CSRNP3: variants seen among roughly 807,000 people sequenced by gnomAD.
CSRNP3 encodes cysteine/serine-rich nuclear protein 3.
A neutral mutation model predicts 48.0 loss-of-function variants in CSRNP3; 12 were observed. That is an observed-to-expected ratio of 0.25 (90% CI 0.16 to 0.41). The LOEUF is 0.41. CSRNP3 is among the 10% of genes least tolerant of loss of function. The probability of loss-of-function intolerance (pLI) is 1.00; values close to 1 mark genes in which losing one functional copy is unlikely to be tolerated. For missense variants in CSRNP3, 580 were observed against 724.4 expected (o/e 0.80, Z 2.29); for synonymous variants, 263 against 269.7 (o/e 0.98, Z 0.24).
chr2:165,530,262 G>A (rs1302747532), intron 3 of CSRNP3, among the ~76,000 whole-genome samples: 1 of 152,030 alleles, frequency 6.6e-6, no homozygotes, highest in Non-Finnish European at 1.5e-5. Flanking sequence ...TATGCCTTGG[G>A]GTATCTGTCA....
At chr2:165,642,711 C>T (rs545552312) in intron 4 of CSRNP3, among the ~76,000 whole-genome samples, 95 of 152,084 alleles carry the variant, frequency 6.2e-4, no homozygotes, top group Non-Finnish European at 1.1e-3. Flanking sequence ...TACAGGCATG[C>T]GCCACCATGC....
chr2:165,609,594 G>A (rs1686101990), intron 4 of CSRNP3, among the ~76,000 whole-genome samples: 1 of 151,082 alleles, frequency 6.6e-6, no homozygotes, highest in African/African-American at 2.4e-5. Flanking sequence ...GTGAATACAG[G>A]CAAAATGCCT....
intron 2 of CSRNP3, among the ~76,000 whole-genome samples, chr2:165,502,074 A>G (rs1271393839): frequency 6.6e-6 from 1 of 152,088 alleles, no homozygotes; most frequent in Non-Finnish European, 1.5e-5. Flanking sequence ...TTTAGCTTTG[A>G]GGATGATTTT....
chr2:165,523,361 CA>C (rs1442954309), intron 3 of CSRNP3, among the ~76,000 whole-genome samples: 12 of 152,108 alleles, frequency 7.9e-5, no homozygotes, highest in Admixed American at 7.9e-4. Flanking sequence ...AATTGACAAA[CA>C]AAAACAAACC....
At chr2:165,530,682 CT>C (rs1457931388) in intron 3 of CSRNP3, among the ~76,000 whole-genome samples, 1 of 152,026 alleles carries the variant, frequency 6.6e-6, no homozygotes, top group East Asian at 1.9e-4. Flanking sequence ...ATAGTCCTAT[CT>C]TTTCTGCTGC....
intron 3 of CSRNP3, among the ~76,000 whole-genome samples, chr2:165,585,613 A>G (rs1242639442): frequency 6.6e-6 from 1 of 152,188 alleles, no homozygotes; most frequent in Non-Finnish European, 1.5e-5. Flanking sequence ...TATTAAGTTC[A>G]TTAGAATAGA....
At chr2:165,658,104 G>C in intron 5 of CSRNP3, 84 bp downstream of exon 5, 1 of 1,426,738 alleles carries the variant, frequency 7.0e-7, no homozygotes, top group East Asian at 2.4e-5. Flanking sequence ...TTATAATCAC[G>C]AAACAAACTG....
At chr2:165,553,023 G>A (rs1051143017) in intron 3 of CSRNP3, among the ~76,000 whole-genome samples, 17 of 152,058 alleles carry the variant, frequency 1.1e-4, no homozygotes, top group Admixed American at 9.8e-4. Flanking sequence ...TAATATCAAC[G>A]TTCATGTAGA....
At chr2:165,642,559 ATT>A (rs111768110) in intron 4 of CSRNP3, among the ~76,000 whole-genome samples, 30 of 148,622 alleles carry the variant, frequency 2.0e-4, no homozygotes, top group African/African-American at 7.3e-4. Flanking sequence ...GATTATGCAT[ATT>A]CTTTTTTTTT....
intron 4 of CSRNP3, among the ~76,000 whole-genome samples, chr2:165,626,145 C>T (rs1488610197): frequency 6.6e-6 from 1 of 151,268 alleles, no homozygotes; most frequent in Non-Finnish European, 1.5e-5. Flanking sequence ...ATCGCTTGAA[C>T]TCAGGGGGCG....
At chr2:165,560,575 C>G (rs1201672299) in intron 3 of CSRNP3, among the ~76,000 whole-genome samples, 1 of 152,172 alleles carries the variant, frequency 6.6e-6, no homozygotes, top group Non-Finnish European at 1.5e-5. Context: ...CTCTCTATTC[C>G]CTACAGCCAT....
At position 165,685,763 on chromosome 2, in the gene CSRNP3, TA is replaced by T. The variant is rs1336828324; in HGVS notation, c.*6014del. The T allele has an allele frequency of 6.6e-6, 1 of 152,056 alleles. No homozygotes were observed. The highest frequency in any genetic ancestry group is 1.5e-5 in the Non-Finnish European group (1 of 67,980). 9.4% of individuals were successfully genotyped at this position (152,056 alleles called of 1,614,324 possible). The stretch of plus-strand genomic sequence containing the variant: ...CTGTGTCACTTTATGTCATCTCTCA[TA>T]AAAGTTTCTGGCAGGACTAAAGTTT... On this transcript the variant is annotated 3_prime_UTR_variant, in exon 7 of 7. Transcript: ENST00000651982.
Position 165,679,111 on chromosome 2 carries a change from G to C in CSRNP3, c.1116G>C (p.Glu372Asp), listed in dbSNP as rs368180895. The C allele has an allele frequency of 1.9e-5, 31 of 1,613,726 alleles. No individual in the cohort carries two copies. In the Middle Eastern group the frequency reaches 6.6e-4, roughly 34 times the overall value. The change falls in exon 7 of 7, where the codon GAG becomes GAC. Residue 372 changes from glutamate (E) to aspartate (D), a missense_variant. Transcript: ENST00000651982. ...TGGCACCTAGTGAGTCAGACGAGGA[G>C]GAGGAGGAAGAAGAAGAGGAAGAGG... ...QSLAPSESDEEEEEEEEEEEE... is the reference protein window; with the variant it reads ...QSLAPSESDEDEEEEEEEEEE...
intron 4 of CSRNP3, among the ~76,000 whole-genome samples, chr2:165,608,926 T>TA (rs1424072156): frequency 2.9e-5 from 1 of 34,160 alleles, no homozygotes; most frequent in African/African-American, 1.3e-4. Flanking sequence ...CCGTCTCTAC[T>TA]AAAAATACAA....
intron 2 of CSRNP3, among the ~76,000 whole-genome samples, chr2:165,510,265 TG>T (rs1263538377): frequency 3.3e-5 from 5 of 152,196 alleles, no homozygotes; most frequent in Non-Finnish European, 7.4e-5. Flanking sequence ...TAAATGGGGA[TG>T]ATCTGTATAT....
intron 3 of CSRNP3, among the ~76,000 whole-genome samples, chr2:165,551,748 C>T (rs1685098429): frequency 6.6e-6 from 1 of 151,868 alleles, no homozygotes; most frequent in African/African-American, 2.4e-5. Context: ...CTTGGATTAC[C>T]ACTCTGCTTC....
At chr2:165,662,212 A>G (rs777337059) in intron 5 of CSRNP3, among the ~76,000 whole-genome samples, 9 of 152,254 alleles carry the variant, frequency 5.9e-5, no homozygotes, top group African/African-American at 9.6e-5. Context: ...TGTTTTGATC[A>G]TAAAATTGCT....
intron 3 of CSRNP3, among the ~76,000 whole-genome samples, chr2:165,527,966 A>AAG (rs946041237): frequency 1.2e-4 from 18 of 151,530 alleles, no homozygotes; most frequent in South Asian, 4.2e-4. Context: ...AAAGAGAAAA[A>AAG]AGAGAGAGAG....
In CSRNP3 at chr2:165,657,973, T is replaced by G; in HGVS notation, c.361T>G (p.Leu121Val). 6.2e-7 allele frequency: 1 copy of G among 1,613,910 alleles called. No individual in the cohort carries two copies. The highest frequency in any genetic ancestry group is 8.5e-7 in the Non-Finnish European group (1 of 1,179,968). Residue 121 changes from leucine to valine, a missense_variant, in exon 5 of 7, where the codon TTG becomes GTG. Physicochemically the swap from Leu to Val is conservative, Grantham distance 32 (BLOSUM62 1). Transcript: ENST00000651982. The part of the protein sequence containing the change: ...REQERLHREM[L>V]REHLREEKLN... ...GCAGGAGAGGCTCCACCGGGAGATGTTGAGAGAACACCTTAGGGAGGAAAA... is the reference window on the plus strand; with the variant it reads ...GCAGGAGAGGCTCCACCGGGAGATGGTGAGAGAACACCTTAGGGAGGAAAA...
Sources: gnomAD v4.1 joint callset for allele counts (sites outside exome capture counted in the v4.1 genomes callset) on GRCh38, gnomAD v4.1.1 for gene constraint, MANE v1.5 for transcripts, NCBI Gene and HGNC (gene_info 2026-07-23, HGNC 2026-07-21) for gene names.